The following NDST3 variants were observed in gnomAD, a reference collection of about 807,000 sequenced individuals.
NDST3 encodes N-deacetylase and N-sulfotransferase 3.
A neutral mutation model predicts 96.1 loss-of-function variants in NDST3; 58 were observed. That is an observed-to-expected ratio of 0.60 (90% CI 0.49 to 0.75). NDST3 has a LOEUF of 0.75. NDST3 is among the 30% of genes least tolerant of loss of function. The pLI is 0.00. For synonymous variants in NDST3, 333 were observed against 359.7 expected (o/e 0.93, Z 0.84); for missense variants, 788 against 1,034.2 (o/e 0.76, Z 3.27).
intron 2 of NDST3, among the ~76,000 whole-genome samples, chr4:118,086,645 A>G (rs1184191117): frequency 6.6e-6 from 1 of 152,142 alleles, no homozygotes; most frequent in Non-Finnish European, 1.5e-5. Context: ...ATCACAATAG[A>G]GCACTTTAGG....
At chr4:118,138,336 T>C (rs1487526869) in intron 5 of NDST3, 97 bp downstream of exon 5, 2 of 1,086,362 alleles carry the variant, frequency 1.8e-6, no homozygotes, top group South Asian at 1.8e-5. Flanking sequence ...AGCATAAATG[T>C]AGGAAAAGCT....
chr4:118,091,152 T>C (rs1728836052), intron 2 of NDST3, among the ~76,000 whole-genome samples: 1 of 150,628 alleles, frequency 6.6e-6, no homozygotes, highest in South Asian at 2.1e-4. Context: ...GGGTGAAGAG[T>C]GGGAGTAGCG....
intron 1 of NDST3, 146 bp downstream of exon 1, chr4:118,034,738 A>G (rs1193640255): frequency 6.6e-6 from 1 of 152,268 alleles, no homozygotes; most frequent in African/African-American, 2.4e-5. Flanking sequence ...GAAGAAATAT[A>G]GAGTATTTTG....
intron 1 of NDST3, among the ~76,000 whole-genome samples, chr4:118,047,123 C>A (rs1316803962): frequency 6.6e-6 from 1 of 152,302 alleles, no homozygotes; most frequent in East Asian, 1.9e-4. Flanking sequence ...CTACTGGATC[C>A]CAGCCCAAAC....
intron 2 of NDST3, among the ~76,000 whole-genome samples, chr4:118,064,303 C>T (rs1163408193): frequency 1.3e-5 from 2 of 152,128 alleles, no homozygotes; most frequent in Non-Finnish European, 2.9e-5. Flanking sequence ...CAAGGAAATT[C>T]TGACATATTG....
chr4:118,176,620 A>G (rs1174859216), intron 6 of NDST3, among the ~76,000 whole-genome samples: 2 of 152,132 alleles, frequency 1.3e-5, no homozygotes, highest in East Asian at 1.9e-4. Flanking sequence ...TGATATAGAG[A>G]AATAATAATA....
At chr4:118,081,471 T>C (rs961426775) in intron 2 of NDST3, among the ~76,000 whole-genome samples, 1 of 152,168 alleles carries the variant, frequency 6.6e-6, no homozygotes, top group Admixed American at 6.5e-5. Flanking sequence ...GTATAAAAAA[T>C]GTACTTAGTT....
intron 6 of NDST3, among the ~76,000 whole-genome samples, chr4:118,187,283 G>C (rs1172284747): frequency 2.6e-5 from 4 of 152,228 alleles, no homozygotes; most frequent in Non-Finnish European, 5.9e-5. Flanking sequence ...TTTTAAGTCT[G>C]TTGTGTAGCC....
intron 4 of NDST3, among the ~76,000 whole-genome samples, chr4:118,131,983 C>G (rs1411887713): frequency 6.6e-6 from 1 of 152,080 alleles, no homozygotes; most frequent in Non-Finnish European, 1.5e-5. Context: ...GCCACTATAA[C>G]TGGGACTGCA....
At chr4:118,040,912 A>T (rs1276671607) in intron 1 of NDST3, among the ~76,000 whole-genome samples, 11 of 142,862 alleles carry the variant, frequency 7.7e-5, no homozygotes, top group African/African-American at 2.3e-4. Context: ...TATATATATA[A>T]AATTTTGTAT....
Position 118,194,304 on chromosome 4 carries a change from A to G in NDST3, c.1540-30187A>G, listed in dbSNP as rs777773324. 848 of 734,014 alleles carry G rather than the reference A, an allele frequency of 1.2e-3. 13 individuals are homozygous for G. The highest frequency in any genetic ancestry group is 1.7e-4 in the Non-Finnish European group (66 of 392,390). 45.5% of individuals were successfully genotyped at this position (734,014 alleles called of 1,614,324 possible). A position where few individuals can be genotyped will look rare whatever the true frequency, so the allele number is the denominator to read the frequency against. ...TCACCGCAAGTCTGTAATTCTGTAGATGATTCCGCCATCTTCTTCTTCCGT... is the reference window on the plus strand; with the variant it reads ...TCACCGCAAGTCTGTAATTCTGTAGGTGATTCCGCCATCTTCTTCTTCCGT... On this transcript the variant is annotated intron_variant, in intron 6 of 13. Transcript: ENST00000296499.
chr4:118,126,505 T>C (rs909921962), intron 4 of NDST3, among the ~76,000 whole-genome samples: 1 of 106,626 alleles, frequency 9.4e-6, no homozygotes, highest in African/African-American at 2.8e-5. Flanking sequence ...ATACTGTGTG[T>C]ATGTATGTGT....
At chr4:118,066,098 AT>A (rs1726305866) in intron 2 of NDST3, among the ~76,000 whole-genome samples, 1 of 36,986 alleles carries the variant, frequency 2.7e-5, no homozygotes, top group East Asian at 6.5e-4. Context: ...TATTATATAT[AT>A]TATATAATAT....
intron 6 of NDST3, among the ~76,000 whole-genome samples, chr4:118,170,979 C>A (rs1399635134): frequency 6.6e-6 from 1 of 152,152 alleles, no homozygotes; most frequent in Non-Finnish European, 1.5e-5. Context: ...CTGTGTGATT[C>A]CCAAAGCTTA....
chr4:118,219,712 C>T (rs1321468172), intron 6 of NDST3, among the ~76,000 whole-genome samples: 2 of 152,110 alleles, frequency 1.3e-5, no homozygotes, highest in Non-Finnish European at 2.9e-5. Context: ...TAAAGAGCTT[C>T]TGCACAGCAA....
chr4:118,048,785 T>C (rs989213152), intron 1 of NDST3, among the ~76,000 whole-genome samples: 41 of 152,012 alleles, frequency 2.7e-4, no homozygotes, highest in Non-Finnish European at 2.8e-4. Context: ...TAATGGGAGA[T>C]GTCAACACCC....
intron 1 of NDST3, among the ~76,000 whole-genome samples, chr4:118,047,764 T>A (rs1724853392): frequency 1.3e-5 from 2 of 152,158 alleles, no homozygotes; most frequent in Non-Finnish European, 2.9e-5. Context: ...AGACACCAAA[T>A]TTATGATTCA....
At chr4:118,140,897 A>G (rs918543863) in intron 5 of NDST3, among the ~76,000 whole-genome samples, 1 of 152,168 alleles carries the variant, frequency 6.6e-6, no homozygotes, top group Admixed American at 6.5e-5. Context: ...ATGAGATTTG[A>G]GTGAGGACAC....
intron 6 of NDST3, among the ~76,000 whole-genome samples, chr4:118,177,214 A>G (rs1218906248): frequency 1.3e-5 from 2 of 152,054 alleles, no homozygotes; most frequent in Non-Finnish European, 2.9e-5. Flanking sequence ...GGTACTGGGA[A>G]ATATAGAGAC....
Sources: gnomAD v4.1 joint callset for allele counts (sites outside exome capture counted in the v4.1 genomes callset) on GRCh38, gnomAD v4.1.1 for gene constraint, MANE v1.5 for transcripts, NCBI Gene and HGNC (gene_info 2026-07-23, HGNC 2026-07-21) for gene names.